The following EBF2 variants were observed in gnomAD, a reference collection of about 807,000 sequenced individuals.
EBF2 encodes the protein EBF transcription factor 2.
EBF2 carries 21 observed loss-of-function variants against 72.8 expected under a neutral mutation model. The ratio of observed to expected loss-of-function variants is 0.29; its 90% CI spans 0.20 to 0.42. The LOEUF is 0.42. Among genes scored for constraint, EBF2 ranks in the 10% least tolerant of loss-of-function variants. The pLI is 1.00. For missense variants in EBF2, 637 were observed against 731.2 expected (o/e 0.87, Z 1.49); for synonymous variants, 299 against 274.2 (o/e 1.09, Z -0.89).
intron 6 of EBF2, 48 bp downstream of exon 6, chr8:26,033,037 T>C: frequency 6.4e-7 from 1 of 1,559,860 alleles, no homozygotes; most frequent in African/African-American, 1.4e-5. Flanking sequence ...TTGAGGTTCA[T>C]GAAGAAAAGG....
chr8:26,041,222 C>T (rs1007093435), intron 2 of EBF2: 3 of 595,964 alleles, frequency 5.0e-6, no homozygotes, highest in Non-Finnish European at 9.0e-6. Flanking sequence ...CTTTCCAGCC[C>T]TCTGTCTCCC....
At chr8:25,863,697 TTA>T (rs1802251703) in intron 10 of EBF2, among the ~76,000 whole-genome samples, 1 of 152,178 alleles carries the variant, frequency 6.6e-6, no homozygotes, top group African/African-American at 2.4e-5. Flanking sequence ...ATCTTATTTT[TTA>T]TATATATGTT....
intron 7 of EBF2, among the ~76,000 whole-genome samples, chr8:25,900,033 G>A (rs150050031): frequency 2.8e-4 from 42 of 152,100 alleles, no homozygotes; most frequent in African/African-American, 8.7e-4. Context: ...CCCTTCCCTC[G>A]AACCCTTCAA....
chr8:25,937,787 T>C (rs537716989), intron 6 of EBF2, among the ~76,000 whole-genome samples: 1 of 152,314 alleles, frequency 6.6e-6, no homozygotes, highest in Non-Finnish European at 1.5e-5. Context: ...AGTGGGGAGT[T>C]CACACTTCAC....
chr8:25,848,936 T>C (rs1801901520), intron 15 of EBF2, among the ~76,000 whole-genome samples: 1 of 152,134 alleles, frequency 6.6e-6, no homozygotes, highest in Non-Finnish European at 1.5e-5. Context: ...GAAAGTACGG[T>C]AAATATTCAG....
chr8:26,024,067 C>A (rs1254768468), intron 6 of EBF2, among the ~76,000 whole-genome samples: 1 of 152,134 alleles, frequency 6.6e-6, no homozygotes, highest in African/African-American at 2.4e-5. Context: ...ATAATCTCTC[C>A]AACTTCTCTT....
chr8:25,879,486 A>G (rs902767397), intron 10 of EBF2, among the ~76,000 whole-genome samples: 1 of 152,178 alleles, frequency 6.6e-6, no homozygotes, highest in African/African-American at 2.4e-5. Flanking sequence ...CTGCAGTAGT[A>G]TCTTAGATAG....
chr8:25,897,221 T>A (rs73677237), intron 7 of EBF2, among the ~76,000 whole-genome samples: 11,495 of 146,320 alleles, frequency 0.079, 1,088 homozygotes, highest in African/African-American at 0.25. Flanking sequence ...TTCTTTTTTT[T>A]TAAAAAAAAA....
chr8:26,039,043 T>C (rs1445934397), intron 5 of EBF2, among the ~76,000 whole-genome samples: 2 of 152,136 alleles, frequency 1.3e-5, no homozygotes, highest in Non-Finnish European at 2.9e-5. Flanking sequence ...GAAAAGCATG[T>C]ATGGAGCAGA....
chr8:26,011,534 G>A (rs548146270), intron 6 of EBF2, among the ~76,000 whole-genome samples: 6 of 150,996 alleles, frequency 4.0e-5, no homozygotes, highest in East Asian at 1.9e-4. Context: ...GTATTCCTTC[G>A]GTCTGATGCT....
chr8:25,862,654 G>A lies in EBF2; in HGVS notation c.1098+55C>T. 3 of 1,441,312 alleles carry A rather than the reference G, an allele frequency of 2.1e-6. 1 individual carries two copies. The South Asian group carries it at 4.0e-5, about 19-fold the overall frequency. 89.3% of individuals were successfully genotyped at this position (1,441,312 alleles called of 1,614,324 possible). Reference sequence around the variant, plus strand: ...GATGTAAATGCCTGCATTTGTCTAAGTTTCCTGAAATTCTACACAAATGGC... The same window carrying A: ...GATGTAAATGCCTGCATTTGTCTAAATTTCCTGAAATTCTACACAAATGGC... On this transcript the variant is annotated intron_variant, in intron 11 of 15. Coordinates refer to ENST00000520164, the MANE Select transcript of EBF2 (RefSeq NM_022659.4).
chr8:26,028,617 C>T (rs1427791029), intron 6 of EBF2, among the ~76,000 whole-genome samples: 4 of 152,232 alleles, frequency 2.6e-5, no homozygotes, highest in African/African-American at 7.2e-5. Flanking sequence ...CAGAGGCTCA[C>T]TGGATCGTCA....
intron 6 of EBF2, among the ~76,000 whole-genome samples, chr8:26,001,613 G>A (rs896872204): frequency 4.0e-5 from 6 of 151,812 alleles, no homozygotes; most frequent in East Asian, 1.9e-4. Flanking sequence ...GCAATTGTGC[G>A]ATCTTGGCTC....
intron 6 of EBF2, among the ~76,000 whole-genome samples, chr8:26,001,658 C>T (rs557757618): frequency 1.4e-4 from 22 of 152,210 alleles, no homozygotes; most frequent in African/African-American, 5.1e-4. Flanking sequence ...AAGCGATTCT[C>T]CTGCCTCAGC....
In EBF2 at chr8:25,912,425, C is replaced by T. The variant is rs1022401745; in HGVS notation, c.552-3870G>A. ...GTAATATGTAAGTTATATCTCAATACACCTGTTATTAAAAAAACACTTCAA... is the reference window on the plus strand; with the variant it reads ...GTAATATGTAAGTTATATCTCAATATACCTGTTATTAAAAAAACACTTCAA... On this transcript the variant is annotated intron_variant, in intron 6 of 15. Transcript: ENST00000520164. Among the ~76,000 whole-genome samples, 6 of 147,826 alleles carry T rather than the reference C, an allele frequency of 4.1e-5. No individual in the cohort carries two copies. The East Asian group carries it at 1.2e-3, about 30-fold the overall frequency.
intron 6 of EBF2, among the ~76,000 whole-genome samples, chr8:25,929,205 T>C (rs1229378068): frequency 1.3e-5 from 2 of 152,198 alleles, no homozygotes; most frequent in Non-Finnish European, 2.9e-5. Context: ...TCAATATCCC[T>C]GTCTTACACA....
intron 6 of EBF2, among the ~76,000 whole-genome samples, chr8:26,030,919 A>G (rs925822267): frequency 3.3e-5 from 5 of 152,248 alleles, no homozygotes; most frequent in African/African-American, 1.2e-4. Flanking sequence ...ACACAAAGAT[A>G]CTTTCTTTTG....
At chr8:25,903,338 G>T (rs796245700) in intron 7 of EBF2, among the ~76,000 whole-genome samples, 15 of 152,072 alleles carry the variant, frequency 9.9e-5, no homozygotes, top group African/African-American at 3.6e-4. Context: ...CTAGCACCCT[G>T]ACATATTTTA....
chr8:25,870,749 C>T (rs1430628566), intron 10 of EBF2, among the ~76,000 whole-genome samples: 1 of 152,142 alleles, frequency 6.6e-6, no homozygotes, highest in Non-Finnish European at 1.5e-5. Context: ...CTTTACTACA[C>T]TGGGCTGGCA....
Sources: gnomAD v4.1 joint callset for allele counts (sites outside exome capture counted in the v4.1 genomes callset) on GRCh38, gnomAD v4.1.1 for gene constraint, MANE v1.5 for transcripts, NCBI Gene and HGNC (gene_info 2026-07-23, HGNC 2026-07-21) for gene names.